AREG: variants seen among roughly 807,000 people sequenced by gnomAD.
AREG encodes amphiregulin B.
Under a neutral mutation model 28.0 loss-of-function variants are expected in AREG, and 16 were observed. That is an observed-to-expected ratio of 0.57 (90% CI 0.39 to 0.87). AREG has a LOEUF of 0.87. Ranked by LOEUF, AREG falls within the 40% of genes least tolerant of loss-of-function variation. AREG has a pLI of 0.00. For synonymous variants in AREG, 113 were observed against 113.5 expected (o/e 1.00, Z 0.02); for missense variants, 287 against 309.1 (o/e 0.93, Z 0.53).
rs1199592755 is a variant in AREG at position 74,448,807 on chromosome 4, C to T, written c.311-240C>T. The T allele has an allele frequency of 6.3e-6, 3 of 477,396 alleles. No homozygotes were observed. In the South Asian group the frequency reaches 1.3e-4, roughly 21 times the overall value. The allele number at this position is 477,396 out of a possible 1,614,324, so 29.6% of individuals were successfully genotyped here. The stretch of plus-strand genomic sequence containing the variant: ...TATAATTCTCAGTTTTTTCCACCTG[C>T]AAGTAGTACTCACTAATTCCCAACT... On this transcript the variant is annotated intron_variant, in intron 2 of 5. Coordinates refer to ENST00000395748, the MANE Select transcript of AREG (RefSeq NM_001657.4).
chr4:74,454,699 G>T, intron 5 of AREG, 60 bp from the exon 6 acceptor site: 1 of 634,672 alleles, frequency 1.6e-6, no homozygotes, highest in South Asian at 1.9e-5. Context: ...TGCTGGAATT[G>T]AGCTTATCTG....
chr4:74,453,853 G>A lies in AREG; in HGVS notation c.*19-906G>A, dbSNP rs1054494997. Among the ~76,000 whole-genome samples the A allele has an allele frequency of 3.8e-3, 584 of 151,708 alleles. 5 individuals are homozygous for A. Among genetic ancestry groups the A allele is most frequent in the African/African-American group, 0.013 (543 of 41,282 alleles). On this transcript the variant is annotated intron_variant, in intron 5 of 5. Coordinates refer to ENST00000395748, the MANE Select transcript of AREG (RefSeq NM_001657.4). ...GTAGAATTGCTTGAACTGCAAGGCA[G>A]AGGTTGCAGTAAGCCAAGATCGCGC...
chr4:74,453,969 T>C (rs1719421164), intron 5 of AREG, among the ~76,000 whole-genome samples: 1 of 151,354 alleles, frequency 6.6e-6, no homozygotes, highest in Non-Finnish European at 1.5e-5. Flanking sequence ...TGAATATGCA[T>C]ATTCCTAAGC....
chr4:74,452,734 A>G (rs1719399658), intron 5 of AREG, 79 bp downstream of exon 5: 2 of 1,266,750 alleles, frequency 1.6e-6, no homozygotes, highest in Non-Finnish European at 2.2e-6. Flanking sequence ...CAAGAAAAAT[A>G]TGGAATGTGT....
intron 3 of AREG, 103 bp downstream of exon 3, chr4:74,449,351 C>T (rs1237140855): frequency 2.6e-6 from 4 of 1,564,540 alleles, no homozygotes; most frequent in Non-Finnish European, 3.5e-6. Context: ...AACCAAGGGT[C>T]AGTAAACTTT....
chr4:74,452,900 T>A (rs1029754556), intron 5 of AREG, among the ~76,000 whole-genome samples: 3 of 109,504 alleles, frequency 2.7e-5, no homozygotes. Context: ...AAGAAGTTAT[T>A]GTTTAGTAGA....
chr4:74,448,993 T>TA, intron 2 of AREG, 54 bp from the exon 3 acceptor site: 1 of 1,599,784 alleles, frequency 6.3e-7, no homozygotes, highest in Non-Finnish European at 8.5e-7. Context: ...CTCATGTCTC[T>TA]AAAATTATAT....
Position 74,454,799 on chromosome 4 carries a change from G to C in AREG, c.*59G>C. ...TCACTGCCAAGTCATAGCCATAAATGATGAGTCGGTCCTCTTTCCAGTGGA... is the reference window on the plus strand; with the variant it reads ...TCACTGCCAAGTCATAGCCATAAATCATGAGTCGGTCCTCTTTCCAGTGGA... On this transcript the variant is annotated 3_prime_UTR_variant, in exon 6 of 6. Transcript: ENST00000395748. 1 of 699,646 alleles carries C rather than the reference G, an allele frequency of 1.4e-6. No homozygotes were observed. The highest frequency in any genetic ancestry group is 1.5e-5 in the South Asian group (1 of 67,204). 43.3% of individuals were successfully genotyped at this position (699,646 alleles called of 1,614,324 possible). A position where few individuals can be genotyped will look rare whatever the true frequency, so the allele number is the denominator to read the frequency against.
rs1444139716 is a variant in AREG at position 74,445,382 on chromosome 4, C to T, written c.37C>T (p.Leu13=). 6.2e-7 allele frequency: 1 copy of T among 1,610,644 alleles called. No homozygotes were observed. Among genetic ancestry groups the T allele is most frequent in the Non-Finnish European group, 8.5e-7 (1 of 1,179,288 alleles). Reference sequence around the variant, plus strand: ...GCTGCTACCGCCGGCGCCGGTGGTGCTGTCGCTCTTGATACTCGGCTCAGG... The same window carrying T: ...GCTGCTACCGCCGGCGCCGGTGGTGTTGTCGCTCTTGATACTCGGCTCAGG... ...APLLPPAPVV[L]SLLILGSGHY... Residue 13 remains leucine, a synonymous_variant, in exon 1 of 6, where the codon CTG becomes TTG. Coordinates refer to ENST00000395748, the MANE Select transcript of AREG (RefSeq NM_001657.4).
Position 74,454,541 on chromosome 4 carries a change from G to A in AREG, c.*19-218G>A, listed in dbSNP as rs1055870754. ...CATATGTGGACTTCTACTGAACTAG[G>A]TGTATAATCAAAGCAAGTGTGAAAG... On this transcript the variant is annotated intron_variant, in intron 5 of 5. Coordinates refer to ENST00000395748, the MANE Select transcript of AREG (RefSeq NM_001657.4). Among the ~76,000 whole-genome samples, 131 of 152,244 alleles carry A rather than the reference G, an allele frequency of 8.6e-4. 1 individual carries two copies. The highest frequency in any genetic ancestry group is 1.4e-3 in the Non-Finnish European group (94 of 68,012).
chr4:74,446,669 T>G lies in AREG; in HGVS notation c.197T>G (p.Val66Gly). The G allele has an allele frequency of 1.2e-6, 2 of 1,613,914 alleles. No individual in the cohort carries two copies. Among genetic ancestry groups the G allele is most frequent in the Non-Finnish European group, 8.5e-7 (1 of 1,179,856 alleles). The part of the protein sequence containing the change: ...EMSSGSEISP[V>G]SEMPSSSEPS... ...TCTTCAGGGAGTGAGATTTCCCCTG[T>G]GAGTGAAATGCCTTCTAGTAGTGAA... Residue 66 changes from valine (V) to glycine (G), a missense_variant, in exon 2 of 6, where the codon GTG (valine) becomes GGG (glycine). By Grantham distance (109) the Val-to-Gly change is moderately radical. Coordinates refer to ENST00000395748, the MANE Select transcript of AREG (RefSeq NM_001657.4).
rs745375419 is a variant in AREG, at chr4:74,446,604, C to T, written c.132C>T (p.His44=). Residue 44 remains histidine, a synonymous_variant, in exon 2 of 6, where the codon CAC becomes CAT. Coordinates refer to ENST00000395748, the MANE Select transcript of AREG (RefSeq NM_001657.4). ...AGCGTGAACCATTTTCTGGGGACCA[C>T]AGTGCTGATGGATTTGAGGTTACCT... The part of the protein sequence containing the change: ...SGKREPFSGD[H]SADGFEVTSR... 7.1e-5 allele frequency: 114 copies of T among 1,613,836 alleles called. No homozygotes were observed. The highest frequency in any genetic ancestry group is 8.8e-5 in the Non-Finnish European group (104 of 1,179,882).
Position 74,446,757 on chromosome 4 carries a change from C to G in AREG, c.285C>G (p.Gly95=), listed in dbSNP as rs1218388954. Residue 95 remains glycine, a synonymous_variant, in exon 2 of 6, where the codon GGC becomes GGG. Coordinates refer to ENST00000395748, the MANE Select transcript of AREG (RefSeq NM_001657.4). ...EEYDNEPQIP[G]YIVDDSVRVE... is the part of the protein sequence containing the mutation. ...ATGATAACGAACCACAAATACCTGG[C>G]TATATTGTCGATGATTCAGTCAGAG... 1.9e-6 allele frequency: 3 copies of G among 1,613,894 alleles called. No individual in the cohort carries two copies. Among genetic ancestry groups the G allele is most frequent in the African/African-American group, 2.7e-5 (2 of 75,000 alleles).
At chr4:74,450,305 T>C (rs1719361022) in intron 3 of AREG, 75 bp from the exon 4 acceptor site, 2 of 1,610,842 alleles carry the variant, frequency 1.2e-6, no homozygotes, top group South Asian at 1.1e-5. Context: ...AATGGTTCTT[T>C]ATGATCTGGA....
In AREG at chr4:74,452,539, T is replaced by C; in HGVS notation, c.666-5T>C. The C allele has an allele frequency of 6.2e-7, 1 of 1,613,418 alleles. No individual in the cohort carries two copies. The highest frequency in any genetic ancestry group is 8.5e-7 in the Non-Finnish European group (1 of 1,179,626). On this transcript the variant is annotated splice_region_variant and splice_polypyrimidine_tract_variant and intron_variant, in intron 4 of 5. Coordinates refer to ENST00000395748, the MANE Select transcript of AREG (RefSeq NM_001657.4). ...GATAACATTAGAATGCCTTGTTCTC[T>C]GAAGGCTTAGAAGACAATACGTCAG...
chr4:74,450,185 A>C (rs1681079858), intron 3 of AREG, among the ~76,000 whole-genome samples, 195 bp from the exon 4 acceptor site: 1 of 152,156 alleles, frequency 6.6e-6, no homozygotes. Context: ...TATCACACCC[A>C]AACTAATCTC....
chr4:74,449,646 G>T (rs902406568), intron 3 of AREG, among the ~76,000 whole-genome samples: 14 of 152,178 alleles, frequency 9.2e-5, no homozygotes, highest in African/African-American at 3.4e-4. Flanking sequence ...AGCAGTCTGG[G>T]AGGCTGAGGT....
Position 74,446,665 on chromosome 4 carries a change from C to T in AREG, c.193C>T (p.Pro65Ser). 1 of 1,613,876 alleles carries T rather than the reference C, an allele frequency of 6.2e-7. No homozygotes were observed. Among genetic ancestry groups the T allele is most frequent in the Non-Finnish European group, 8.5e-7 (1 of 1,179,854 alleles). ...GATGTCTTCAGGGAGTGAGATTTCC[C>T]CTGTGAGTGAAATGCCTTCTAGTAG... ...SEMSSGSEIS[P>S]VSEMPSSSEP... Residue 65 changes from proline (P) to serine (S), a missense_variant, in exon 2 of 6, where the codon CCT (proline) becomes TCT (serine). Physicochemically the swap from Pro to Ser is moderately conservative, Grantham distance 74 (BLOSUM62 -1). Transcript: ENST00000395748.
chr4:74,445,331 C>A lies in AREG; in HGVS notation c.-15C>A, dbSNP rs369221374. On this transcript the variant is annotated 5_prime_UTR_variant, in exon 1 of 6. Transcript: ENST00000395748. ...GTTGCCCCAGAGACCGAGACGCCGCCGCTGCGAAGGACCAATGAGAGCCCC... is the reference window on the plus strand; with the variant it reads ...GTTGCCCCAGAGACCGAGACGCCGCAGCTGCGAAGGACCAATGAGAGCCCC... 1.3e-5 allele frequency: 21 copies of A among 1,608,896 alleles called. No homozygotes were observed. The highest frequency in any genetic ancestry group is 2.2e-5 in the East Asian group (1 of 44,778).
Sources: allele counts gnomAD v4.1 joint callset (sites outside exome capture counted in the v4.1 genomes callset), GRCh38; gene constraint gnomAD v4.1.1; transcripts MANE v1.5; gene names NCBI Gene and HGNC (gene_info 2026-07-23, HGNC 2026-07-21).